COL5A2: variants seen among roughly 807,000 people sequenced by gnomAD.
COL5A2 encodes the protein collagen alpha-2(V) chain.
COL5A2 carries 23 observed loss-of-function variants against 208.2 expected under a neutral mutation model. The ratio of observed to expected loss-of-function variants is 0.11; its 90% CI spans 0.08 to 0.16. COL5A2 has a LOEUF of 0.16. Among genes scored for constraint, COL5A2 ranks in the 10% least tolerant of loss-of-function variants. The pLI, the probability that COL5A2 is intolerant of heterozygous loss-of-function variation, is 1.00. For missense variants in COL5A2, 1,590 were observed against 1,956.4 expected (o/e 0.81, Z 3.53); for synonymous variants, 625 against 628.5 (o/e 0.99, Z 0.08).
the COL5A2 span, among the ~76,000 whole-genome samples, chr2:189,379,847 G>T: frequency 6.6e-6 from 1 of 152,130 alleles, no homozygotes; most frequent in East Asian, 1.9e-4. Context: ...CAGAAAGAAG[G>T]TAAATAAGAT....
At chr2:189,273,371 G>A in the COL5A2 span, among the ~76,000 whole-genome samples, 1 of 152,058 alleles carries the variant, frequency 6.6e-6, no homozygotes, top group South Asian at 2.1e-4. Flanking sequence ...ACAGGGATGT[G>A]GAGAAAAGGG....
At chr2:189,411,832 T>C in the COL5A2 span, among the ~76,000 whole-genome samples, 19 of 152,158 alleles carry the variant, frequency 1.2e-4, no homozygotes, top group Non-Finnish European at 1.9e-4. Flanking sequence ...AATCATATTG[T>C]TTTTAAGAAA....
Position 189,065,055 on chromosome 2 carries a change from A to T in COL5A2, c.1566T>A (p.Gly522=). 1 of 1,613,628 alleles carries T rather than the reference A, an allele frequency of 6.2e-7. No individual in the cohort carries two copies. Among genetic ancestry groups the T allele is most frequent in the Non-Finnish European group, 8.5e-7 (1 of 1,179,796 alleles). The part of the protein sequence containing the change: ...VGPPGPVGER[G]APGNRGFPGS... ...CTGGAAAACCACGATTGCCAGGAGC[A>T]CCCTACAAATGACCAAAATGTGATT... is the stretch of plus-strand genomic sequence containing the variant. Residue 522 remains glycine (G), a splice_region_variant and synonymous_variant, in exon 24 of 54, where the codon GGT becomes GGA. Coordinates refer to ENST00000374866, the MANE Select transcript of COL5A2 (RefSeq NM_000393.5).
the COL5A2 span, among the ~76,000 whole-genome samples, chr2:189,340,262 G>T: frequency 1.3e-5 from 2 of 152,126 alleles, no homozygotes; most frequent in Non-Finnish European, 2.9e-5. Context: ...CATGCCCCAG[G>T]TTCACCCTGT....
chr2:189,214,127 A>G (rs1689250007), intron 1 of COL5A2, among the ~76,000 whole-genome samples: 1 of 152,168 alleles, frequency 6.6e-6, no homozygotes, highest in Admixed American at 6.5e-5. Context: ...TGGCATATTA[A>G]ACATATCAAA....
chr2:189,078,646 C>T (rs1167849792), intron 15 of COL5A2, 77 bp from the exon 16 acceptor site: 4 of 1,155,168 alleles, frequency 3.5e-6, no homozygotes, highest in Non-Finnish European at 5.3e-6. Context: ...CCCACTCAAT[C>T]CAATTGAGAT....
At chr2:189,340,319 T>C in the COL5A2 span, among the ~76,000 whole-genome samples, 13 of 152,310 alleles carry the variant, frequency 8.5e-5, no homozygotes, top group South Asian at 8.3e-4. Context: ...TCAAGACTTA[T>C]AGCAAATTAA....
At chr2:189,354,960 A>G in the COL5A2 span, among the ~76,000 whole-genome samples, 1 of 152,208 alleles carries the variant, frequency 6.6e-6, no homozygotes, top group African/African-American at 2.4e-5. Context: ...AATGTGTCCC[A>G]GAGATTCTGG....
chr2:189,244,124 G>A, the COL5A2 span, among the ~76,000 whole-genome samples: 1 of 152,216 alleles, frequency 6.6e-6, no homozygotes, highest in Non-Finnish European at 1.5e-5. Context: ...AAAAGTCTCT[G>A]TCATGCCCTG....
intron 1 of COL5A2, among the ~76,000 whole-genome samples, chr2:189,192,895 T>C (rs1688948824): frequency 6.6e-6 from 1 of 152,162 alleles, no homozygotes; most frequent in Admixed American, 6.6e-5. Context: ...CACAAGAGTG[T>C]GCTACTTATC....
At chr2:189,116,639 C>G (rs1576537902) in intron 1 of COL5A2, among the ~76,000 whole-genome samples, 1 of 152,226 alleles carries the variant, frequency 6.6e-6, no homozygotes, top group South Asian at 2.1e-4. Flanking sequence ...ATCTTCTGTT[C>G]TTCAATCCAC....
chr2:189,034,075 C>A lies in COL5A2; in HGVS notation c.4495G>T (p.Val1499Leu), dbSNP rs527433112. The A allele has an allele frequency of 9.2e-5, 148 of 1,613,812 alleles. 1 individual carries two copies. The highest frequency in any genetic ancestry group is 4.9e-4 in the Middle Eastern group (3 of 6,082). The part of the protein sequence containing the change: ...FGVEIGPVCF[V>L] ...TCGATGTGTCTTGGCTTACTTTACACAAAACAAACTGGCCCAATTTCAACG... is the reference window on the plus strand; with the variant it reads ...TCGATGTGTCTTGGCTTACTTTACAAAAAACAAACTGGCCCAATTTCAACG... Residue 1499 changes from valine (V) to leucine (L), a missense_variant, in exon 54 of 54, where the codon GTG becomes TTG. Coordinates refer to ENST00000374866, the MANE Select transcript of COL5A2 (RefSeq NM_000393.5).
the COL5A2 span, among the ~76,000 whole-genome samples, chr2:189,420,766 A>G: frequency 6.6e-6 from 1 of 152,098 alleles, no homozygotes; most frequent in Non-Finnish European, 1.5e-5. Context: ...TCCTGTTCCC[A>G]TCCTCCATCA....
chr2:189,393,116 T>C, the COL5A2 span, among the ~76,000 whole-genome samples: 1 of 152,166 alleles, frequency 6.6e-6, no homozygotes, highest in Admixed American at 6.6e-5. Context: ...TTTAGCATCA[T>C]ATGTGTGCCC....
intron 32 of COL5A2, 39 bp downstream of exon 32, chr2:189,058,810 G>C (rs1315093587): frequency 6.3e-7 from 1 of 1,589,136 alleles, no homozygotes; most frequent in Non-Finnish European, 8.6e-7. Context: ...ACTGAAGCCA[G>C]TGGGAAACAA....
chr2:189,107,546 A>G (rs1687175725), intron 2 of COL5A2, among the ~76,000 whole-genome samples: 1 of 151,094 alleles, frequency 6.6e-6, no homozygotes, highest in Non-Finnish European at 1.5e-5. Context: ...TTATCTTTAC[A>G]ATTTTTTTCT....
chr2:189,213,659 G>T (rs1046014932), intron 1 of COL5A2, among the ~76,000 whole-genome samples: 1 of 152,182 alleles, frequency 6.6e-6, no homozygotes, highest in Non-Finnish European at 1.5e-5. Flanking sequence ...ACTGGAGAGA[G>T]AATTTATAGA....
the COL5A2 span, among the ~76,000 whole-genome samples, chr2:189,371,653 G>C: frequency 6.6e-6 from 1 of 152,172 alleles, no homozygotes; most frequent in South Asian, 2.1e-4. Flanking sequence ...ATGACTTGGG[G>C]TATCTGGCGG....
intron 3 of COL5A2, among the ~76,000 whole-genome samples, chr2:189,101,339 CT>C (rs1283022391): frequency 6.6e-6 from 1 of 151,854 alleles, no homozygotes; most frequent in Non-Finnish European, 1.5e-5. Context: ...TTAAAAAACC[CT>C]AAATATCCTA....
Sources: allele counts gnomAD v4.1 joint callset (sites outside exome capture counted in the v4.1 genomes callset), GRCh38; gene constraint gnomAD v4.1.1; transcripts MANE v1.5; gene names NCBI Gene and HGNC (gene_info 2026-07-23, HGNC 2026-07-21).